ARAP1: variants seen among roughly 807,000 people sequenced by gnomAD.
The protein encoded by ARAP1 is arf-GAP with Rho-GAP domain, ANK repeat and PH domain-containing protein 1.
A neutral mutation model predicts 172.2 loss-of-function variants in ARAP1; 76 were observed. That is an observed-to-expected ratio of 0.44 (90% CI 0.37 to 0.53). ARAP1 has a LOEUF of 0.53. Among genes scored for constraint, ARAP1 ranks in the 20% least tolerant of loss-of-function variants. The pLI is 0.00. For synonymous variants in ARAP1, 804 were observed against 803.3 expected (o/e 1.00, Z -0.01); for missense variants, 1,686 against 1,977.5 (o/e 0.85, Z 2.80).
chr11:72,697,040 C>A lies in ARAP1; in HGVS notation c.3109G>T (p.Asp1037Tyr), dbSNP rs951056400. 5.6e-6 allele frequency: 9 copies of A among 1,609,884 alleles called. 1 individual carries two copies. The African/African-American group carries it at 9.3e-5, about 17-fold the overall frequency. ...VSSALKRFLR[D>Y]LPDGLFTRAQ... The stretch of plus-strand genomic sequence containing the variant: ...CGAGTGAAGAGCCCATCAGGCAGGT[C>A]GCGCAGGAAGCGCTTGAGCGCCGAG... The change falls in exon 22 of 35, where the codon GAC becomes TAC. Residue 1037 changes from aspartate to tyrosine, a missense_variant. Asp to Tyr is a radical substitution (Grantham distance 160, BLOSUM62 -3). Transcript: ENST00000393609.
Position 72,693,699 on chromosome 11 carries a change from C to T in ARAP1, c.3801G>A (p.Leu1267=), listed in dbSNP as rs979991716. The T allele has an allele frequency of 1.0e-5, 16 of 1,606,126 alleles. No homozygotes were observed. In the African/African-American group the frequency reaches 1.9e-4, roughly 19 times the overall value. The change falls in exon 28 of 35, where the codon CTG becomes CTA. Residue 1267 remains leucine (L), a synonymous_variant. Transcript: ENST00000393609. The surrounding 1 kb of genome is among the most constrained non-coding windows in gnomAD (Gnocchi z 4.6). The stretch of plus-strand genomic sequence containing the variant: ...CCTGCAGGCACCACCTACCCAGGTA[C>T]AGCAGCATGGCCTCCATGGCCTGGT... The part of the protein sequence containing the change: ...KKHQAMEAML[L]YLASRVGDTK...
Position 72,707,525 on chromosome 11 carries a change from T to A in ARAP1, c.1524-151A>T, listed in dbSNP as rs572803400. On this transcript the variant is annotated intron_variant, in intron 11 of 34. Coordinates refer to ENST00000393609, the MANE Select transcript of ARAP1 (RefSeq NM_001040118.3). The stretch of plus-strand genomic sequence containing the variant: ...CCCACTCTGGTAGGGAAGGTAGGTG[T>A]GGACAAAGGCAAGGACAACAGGAAC... 6.8e-5 allele frequency: 47 copies of A among 692,416 alleles called. No individual in the cohort carries two copies. The East Asian group carries it at 1.3e-3, about 19-fold the overall frequency. The allele number at this position is 692,416 out of a possible 1,614,324, so 42.9% of individuals were successfully genotyped here.
chr11:72,717,158 T>C (rs1237079686), intron 3 of ARAP1, among the ~76,000 whole-genome samples: 1 of 152,100 alleles, frequency 6.6e-6, no homozygotes, highest in East Asian at 1.9e-4. Context: ...CCCAAGAGCA[T>C]GAGCTGGGGT....
intron 29 of ARAP1, 54 bp from the exon 30 acceptor site, chr11:72,692,839 C>G (rs764907949): frequency 7.2e-5 from 115 of 1,605,706 alleles, no homozygotes; most frequent in Middle Eastern, 1.6e-4. Flanking sequence ...AGAGCCAGGA[C>G]AGCATGTGCA....
intron 34 of ARAP1, 176 bp downstream of exon 34, chr11:72,685,866 G>A: frequency 7.3e-7 from 1 of 1,369,430 alleles, no homozygotes; most frequent in African/African-American, 1.4e-5. Context: ...AGGCAGAAGG[G>A]GCTCCTTTGA....
intron 1 of ARAP1, among the ~76,000 whole-genome samples, chr11:72,749,856 G>A (rs1858483030): frequency 1.3e-5 from 2 of 148,816 alleles, no homozygotes; most frequent in African/African-American, 4.9e-5. Flanking sequence ...GGGCAACAGA[G>A]CAAGACTCCG....
intron 1 of ARAP1, among the ~76,000 whole-genome samples, chr11:72,747,011 G>C (rs1288977040): frequency 6.6e-6 from 1 of 152,192 alleles, no homozygotes; most frequent in East Asian, 1.9e-4. Context: ...CACCTGGAAA[G>C]CCGAAATGCA....
Position 72,707,254 on chromosome 11 carries a change from C to T in ARAP1, c.1644G>A (p.Arg548=), listed in dbSNP as rs774711353. Reference sequence around the variant, plus strand: ...GAGGAGCCCCGCAGTCAGCACAGAACCTGTTGGGGGCTGCAGCCCAGATGC... The same window carrying T: ...GAGGAGCCCCGCAGTCAGCACAGAATCTGTTGGGGGCTGCAGCCCAGATGC... The part of the protein sequence containing the change: ...AERIWAAAPN[R]FCADCGAPQP... Residue 548 remains arginine (R), a synonymous_variant, in exon 12 of 35, where the codon AGG becomes AGA. Transcript: ENST00000393609. 8.1e-6 allele frequency: 13 copies of T among 1,612,538 alleles called. No individual in the cohort carries two copies. The South Asian group carries it at 1.3e-4, about 16-fold the overall frequency.
rs577924114 is a variant in ARAP1, at chr11:72,713,942, G to A, written c.679+210C>T. On this transcript the variant is annotated intron_variant, in intron 4 of 34. Coordinates refer to ENST00000393609, the MANE Select transcript of ARAP1 (RefSeq NM_001040118.3). Reference sequence around the variant, plus strand: ...AGCCGGCCATGGCCCCACACTTAACGGTCAGGAGGCCAGAGAGGTGGGTGC... The same window carrying A: ...AGCCGGCCATGGCCCCACACTTAACAGTCAGGAGGCCAGAGAGGTGGGTGC... Among the ~76,000 whole-genome samples the A allele has an allele frequency of 1.5e-4, 23 of 152,230 alleles. No homozygotes were observed. In the South Asian group the frequency reaches 3.1e-3, roughly 21 times the overall value.
At chr11:72,749,084 C>T (rs902135158) in intron 1 of ARAP1, among the ~76,000 whole-genome samples, 15 of 152,244 alleles carry the variant, frequency 9.9e-5, no homozygotes, top group Middle Eastern at 6.8e-3. Flanking sequence ...AAGAGCTGCC[C>T]GAGGGACTGG....
intron 3 of ARAP1, among the ~76,000 whole-genome samples, chr11:72,723,542 G>T (rs1320223280): frequency 1.3e-5 from 2 of 152,166 alleles, no homozygotes; most frequent in Non-Finnish European, 2.9e-5. Context: ...CTCCTCTGAA[G>T]ACCTCTCCCT....
chr11:72,712,937 T>C (rs576492680), intron 5 of ARAP1: 6 of 598,902 alleles, frequency 1.0e-5, no homozygotes, highest in African/African-American at 9.3e-5. Flanking sequence ...GGAGGCCACA[T>C]GCCCACCCAC....
chr11:72,724,871 C>T (rs2135569875), intron 3 of ARAP1, among the ~76,000 whole-genome samples: 1 of 152,324 alleles, frequency 6.6e-6, no homozygotes, highest in East Asian at 1.9e-4. Flanking sequence ...CTTTTCCCGA[C>T]CATGGCGCCT....
chr11:72,696,539 C>A lies in ARAP1; in HGVS notation c.3272+10G>T. ...TCCCCCCAGAATCTCACAATGGTAT[C>A]GTCCCTCACCAGTACAGGTGGCTGA... On this transcript the variant is annotated intron_variant, in intron 23 of 34. Transcript: ENST00000393609. 6.6e-7 allele frequency: 1 copy of A among 1,510,030 alleles called. No individual in the cohort carries two copies. Among genetic ancestry groups the A allele is most frequent in the Non-Finnish European group, 8.9e-7 (1 of 1,124,156 alleles). The allele number at this position is 1,510,030 out of a possible 1,614,324, so 93.5% of individuals were successfully genotyped here.
In ARAP1 at chr11:72,693,799, G is replaced by A. The variant is rs774737369; in HGVS notation, c.3701C>T (p.Pro1234Leu). 1 of 1,597,994 alleles carries A rather than the reference G, an allele frequency of 6.3e-7. No homozygotes were observed. The highest frequency in any genetic ancestry group is 8.5e-7 in the Non-Finnish European group (1 of 1,173,034). ...CAGCACCTTCTCCGCAAAGTGCAGG[G>A]GGCGCTCTGGGGAGAGGTCACACCT... The part of the protein sequence containing the change: ...EVNEREEAER[P>L]LHFAEKVLPI... The change falls in exon 28 of 35, where the codon CCC becomes CTC. Residue 1234 changes from proline (P) to leucine (L), a missense_variant. Around this residue, in one of 5 missense-constraint regions of ARAP1, gnomAD observed 379 missense variants for 500.1 expected, o/e 0.76. Coordinates refer to ENST00000393609, the MANE Select transcript of ARAP1 (RefSeq NM_001040118.3). The surrounding 1 kb of genome is among the most constrained non-coding windows in gnomAD (Gnocchi z 4.6).
Position 72,697,802 on chromosome 11 carries a change from C to T in ARAP1, c.2737+109G>A, listed in dbSNP as rs760275795. ...CCAAGGACATGAGAGGGCAGGATGGCGGCTCTGGCCAGGCCAGGCAGAGTT... is the reference window on the plus strand; with the variant it reads ...CCAAGGACATGAGAGGGCAGGATGGTGGCTCTGGCCAGGCCAGGCAGAGTT... On this transcript the variant is annotated intron_variant, in intron 19 of 34. Coordinates refer to ENST00000393609, the MANE Select transcript of ARAP1 (RefSeq NM_001040118.3). 4.2e-5 allele frequency: 56 copies of T among 1,321,342 alleles called. No individual in the cohort carries two copies. The Middle Eastern group carries it at 1.2e-3, about 28-fold the overall frequency. 81.9% of individuals were successfully genotyped at this position (1,321,342 alleles called of 1,614,324 possible).
At chr11:72,747,306 C>A (rs1858397755) in intron 1 of ARAP1, among the ~76,000 whole-genome samples, 1 of 152,190 alleles carries the variant, frequency 6.6e-6, no homozygotes, top group African/African-American at 2.4e-5. Context: ...ATGCCTTAAT[C>A]TTCCTCTAGG....
intron 7 of ARAP1, among the ~76,000 whole-genome samples, chr11:72,711,744 G>A (rs1435430793): frequency 1.4e-5 from 2 of 145,686 alleles, no homozygotes; most frequent in Non-Finnish European, 3.0e-5. Flanking sequence ...CACACAGGCT[G>A]GAAGGCAGTA....
chr11:72,744,137 C>T (rs1401273667), intron 1 of ARAP1, among the ~76,000 whole-genome samples: 1 of 152,088 alleles, frequency 6.6e-6, no homozygotes. Context: ...CTGATCACAC[C>T]AGATGTCACC....
Sources: gnomAD v4.1 joint callset for allele counts (sites outside exome capture counted in the v4.1 genomes callset) on GRCh38, gnomAD v4.1.1 for gene constraint, gnomAD v4.1.1 regional missense constraint, Gnocchi (gnomAD v3.1) non-coding constraint, MANE v1.5 for transcripts, NCBI Gene and HGNC (gene_info 2026-07-23, HGNC 2026-07-21) for gene names.